Variants in MEGF9 observed in about 807,000 individuals in gnomAD.
The protein encoded by MEGF9 is multiple epidermal growth factor-like domains protein 9.
A neutral mutation model predicts 46.8 loss-of-function variants in MEGF9; 6 were observed. The ratio of observed to expected loss-of-function variants is 0.13; its 90% CI spans 0.07 to 0.25. The LOEUF (loss-of-function observed/expected upper bound fraction) is 0.25, where lower values mean the gene tolerates loss of function less well. Ranked by LOEUF, MEGF9 falls within the 10% of genes least tolerant of loss-of-function variation. The probability of loss-of-function intolerance (pLI) is 1.00; values close to 1 mark genes in which losing one functional copy is unlikely to be tolerated. For missense variants in MEGF9, 683 were observed against 792.4 expected (o/e 0.86, Z 1.66); for synonymous variants, 302 against 330.7 (o/e 0.91, Z 0.94).
chr9:120,699,367 ATTTTTCAT>A (rs2043892461), intron 1 of MEGF9, among the ~76,000 whole-genome samples: 1 of 152,008 alleles, frequency 6.6e-6, no homozygotes, highest in Admixed American at 6.5e-5. Context: ...TTTTTTCTCT[ATTTTTCAT>A]TTTCTACAAT....
chr9:120,625,919 A>C (rs1328974401), intron 2 of MEGF9, among the ~76,000 whole-genome samples: 1 of 152,040 alleles, frequency 6.6e-6, no homozygotes, highest in Admixed American at 6.5e-5. Flanking sequence ...TCGTAGAATA[A>C]AGACTTTACA....
chr9:120,683,862 C>T (rs1054718726), intron 1 of MEGF9, among the ~76,000 whole-genome samples: 3 of 151,658 alleles, frequency 2.0e-5, no homozygotes, highest in African/African-American at 7.3e-5. Context: ...TCACTGCACT[C>T]CAACATGGAC....
rs1420043339 is a variant in MEGF9 at position 120,603,332 on chromosome 9, AAAT to A, written c.*1855_*1857del. Reference sequence around the variant, plus strand: ...AACTACAAAGGGCTATAGAAAAACTAAATAATTTTCATATAATGTAATATAATG... The same window carrying A: ...AACTACAAAGGGCTATAGAAAAACTAAATTTTCATATAATGTAATATAATG... On this transcript the variant is annotated 3_prime_UTR_variant, in exon 6 of 6. Transcript: ENST00000373930. The A allele has an allele frequency of 1.3e-5, 2 of 152,238 alleles. No individual in the cohort carries two copies. Among genetic ancestry groups the A allele is most frequent in the Non-Finnish European group, 2.9e-5 (2 of 68,046 alleles). The allele number at this position is 152,238 out of a possible 1,614,324, so 9.4% of individuals were successfully genotyped here. A position where few individuals can be genotyped will look rare whatever the true frequency, so the allele number is the denominator to read the frequency against.
intron 1 of MEGF9, among the ~76,000 whole-genome samples, chr9:120,668,361 T>A (rs573387196): frequency 6.6e-4 from 101 of 152,352 alleles, no homozygotes; most frequent in South Asian, 4.3e-3. Context: ...TTTGTAGAGA[T>A]GTGTAGTATT....
intron 1 of MEGF9, among the ~76,000 whole-genome samples, chr9:120,700,001 T>C (rs2043896288): frequency 6.6e-6 from 1 of 152,190 alleles, no homozygotes; most frequent in Non-Finnish European, 1.5e-5. Context: ...GTTTATTTCT[T>C]TGTTGTGTTT....
At chr9:120,682,398 G>T (rs1422336762) in intron 1 of MEGF9, among the ~76,000 whole-genome samples, 1 of 152,156 alleles carries the variant, frequency 6.6e-6, no homozygotes, top group African/African-American at 2.4e-5. Flanking sequence ...TCATTGTAAT[G>T]CCTGGAAAAT....
chr9:120,673,833 G>A (rs375906165), intron 1 of MEGF9, among the ~76,000 whole-genome samples: 26 of 152,088 alleles, frequency 1.7e-4, no homozygotes, highest in East Asian at 1.2e-3. Flanking sequence ...AGCTGGGCGC[G>A]GTGGCAGGCA....
At chr9:120,702,049 A>AT (rs1342743900) in intron 1 of MEGF9, among the ~76,000 whole-genome samples, 8 of 152,206 alleles carry the variant, frequency 5.3e-5, no homozygotes, top group African/African-American at 1.9e-4. Flanking sequence ...TCTCTAAAAA[A>AT]AAAAATAAAA....
intron 1 of MEGF9, among the ~76,000 whole-genome samples, chr9:120,687,482 A>G (rs2043827729): frequency 6.6e-6 from 1 of 152,190 alleles, no homozygotes; most frequent in Admixed American, 6.5e-5. Flanking sequence ...AAAAATGTAG[A>G]ATCAGCTCAA....
At chr9:120,609,684 T>C (rs1438714741) in intron 4 of MEGF9, among the ~76,000 whole-genome samples, 1 of 152,116 alleles carries the variant, frequency 6.6e-6, no homozygotes, top group Non-Finnish European at 1.5e-5. Context: ...TAATAAATAA[T>C]TTTTAATAAT....
chr9:120,693,275 C>CAAAAAAAAAAAAAAAAAAAA (rs10633158), intron 1 of MEGF9, among the ~76,000 whole-genome samples: 1 of 104,446 alleles, frequency 9.6e-6, no homozygotes, highest in Non-Finnish European at 1.9e-5. Context: ...TCTGGTTAAC[C>CAAAAAAAAAAAAAAAAAAAA]AAAAAAAAAA....
intron 2 of MEGF9, among the ~76,000 whole-genome samples, chr9:120,654,083 G>A (rs2043665640): frequency 6.6e-6 from 1 of 152,152 alleles, no homozygotes; most frequent in Non-Finnish European, 1.5e-5. Context: ...GAGTAAGAGA[G>A]ATATCTATTG....
At chr9:120,625,732 G>C (rs2132305595) in intron 2 of MEGF9, among the ~76,000 whole-genome samples, 1 of 150,890 alleles carries the variant, frequency 6.6e-6, no homozygotes, top group East Asian at 2.0e-4. Flanking sequence ...TACTCGGGAG[G>C]CTGAGGCAGG....
At chr9:120,662,287 C>T (rs2043706057) in intron 1 of MEGF9, among the ~76,000 whole-genome samples, 1 of 152,188 alleles carries the variant, frequency 6.6e-6, no homozygotes, top group African/African-American at 2.4e-5. Flanking sequence ...TTAGTCCTGT[C>T]TCTGAACCTT....
intron 1 of MEGF9, among the ~76,000 whole-genome samples, chr9:120,660,179 G>A (rs1203984866): frequency 6.6e-6 from 1 of 152,036 alleles, no homozygotes; most frequent in Non-Finnish European, 1.5e-5. Context: ...TTTCTTTTAA[G>A]TATATTTCAA....
At chr9:120,638,882 T>A (rs897649142) in intron 2 of MEGF9, among the ~76,000 whole-genome samples, 1 of 152,206 alleles carries the variant, frequency 6.6e-6, no homozygotes, top group Admixed American at 6.5e-5. Context: ...AGTGGCACAA[T>A]CATAGCTCTC....
intron 1 of MEGF9, among the ~76,000 whole-genome samples, chr9:120,684,989 C>G (rs943786271): frequency 6.6e-6 from 1 of 152,192 alleles, no homozygotes; most frequent in African/African-American, 2.4e-5. Flanking sequence ...CGCCCACCAC[C>G]ACGCCCAGCT....
chr9:120,655,578 A>T (rs1294456114), intron 2 of MEGF9, among the ~76,000 whole-genome samples: 1 of 152,210 alleles, frequency 6.6e-6, no homozygotes, highest in Non-Finnish European at 1.5e-5. Flanking sequence ...TCCATCACTG[A>T]ATATCACATA....
At position 120,607,856 on chromosome 9, in the gene MEGF9, A is replaced by T; in HGVS notation, c.1242T>A (p.Ile414=). The part of the protein sequence containing the change: ...GHVDPVKTPK[I]CKPESGECIN... ...TGCACTCACCACTCTCGGGCTTACAAATCTTTGGAGTTTTAACTGGGTCCA... is the reference window on the plus strand; with the variant it reads ...TGCACTCACCACTCTCGGGCTTACATATCTTTGGAGTTTTAACTGGGTCCA... Residue 414 remains isoleucine, a synonymous_variant, in exon 5 of 6, where the codon ATT becomes ATA. Coordinates refer to ENST00000373930, the MANE Select transcript of MEGF9 (RefSeq NM_001080497.3). The T allele has an allele frequency of 6.2e-7, 1 of 1,613,974 alleles. No individual in the cohort carries two copies. Among genetic ancestry groups the T allele is most frequent in the South Asian group, 1.1e-5 (1 of 91,078 alleles).
Sources: allele counts gnomAD v4.1 joint callset (sites outside exome capture counted in the v4.1 genomes callset), GRCh38; gene constraint gnomAD v4.1.1; transcripts MANE v1.5; gene names NCBI Gene and HGNC (gene_info 2026-07-23, HGNC 2026-07-21).